ERC2: variants seen among roughly 807,000 people sequenced by gnomAD.
ERC2 encodes ELKS/RAB6-interacting/CAST family member 2, also known as ERC protein 2.
In ERC2, 42 loss-of-function variants were observed where a neutral mutation model predicts 114.8. The observed-to-expected ratio is 0.37, with a 90% CI of 0.29 to 0.47. The LOEUF is 0.47. ERC2 is among the 20% of genes least tolerant of loss of function. The pLI is 0.99. For synonymous variants in ERC2, 454 were observed against 425.5 expected (o/e 1.07, Z -0.82); for missense variants, 939 against 1,150.7 (o/e 0.82, Z 2.66).
At chr3:56,125,402 G>A (rs1230201460) in intron 6 of ERC2, among the ~76,000 whole-genome samples, 1 of 152,078 alleles carries the variant, frequency 6.6e-6, no homozygotes, top group Non-Finnish European at 1.5e-5. Context: ...ACCAATGTGG[G>A]TAAAAGAGAT....
chr3:56,064,300 C>T (rs1246715993), intron 7 of ERC2, among the ~76,000 whole-genome samples: 1 of 152,214 alleles, frequency 6.6e-6, no homozygotes, highest in Non-Finnish European at 1.5e-5. Flanking sequence ...ACCTTCCCAC[C>T]TGGCCACCCT....
At chr3:55,812,733 G>A (rs559398090) in intron 14 of ERC2, among the ~76,000 whole-genome samples, 9 of 152,340 alleles carry the variant, frequency 5.9e-5, no homozygotes, top group South Asian at 4.1e-4. Flanking sequence ...AGGGTCATGG[G>A]TGTATCTCAG....
intron 17 of ERC2, among the ~76,000 whole-genome samples, chr3:55,663,035 G>A (rs912117718): frequency 7.2e-5 from 11 of 152,304 alleles, no homozygotes; most frequent in Admixed American, 7.2e-4. Flanking sequence ...TTTGGGAAAA[G>A]TCTGGTATCT....
chr3:56,359,508 C>G (rs985364302), intron 2 of ERC2, among the ~76,000 whole-genome samples: 2 of 152,210 alleles, frequency 1.3e-5, no homozygotes, highest in African/African-American at 4.8e-5. Context: ...ATTCTTAGAA[C>G]CAGTGTACAA....
intron 3 of ERC2, among the ~76,000 whole-genome samples, chr3:56,194,066 C>CCTAATACTTGT (rs1472649624): frequency 9.9e-5 from 15 of 152,232 alleles, no homozygotes; most frequent in African/African-American, 3.6e-4. Context: ...TTCCATCATG[C>CCTAATACTTGT]CATAAGGTCC....
At chr3:55,747,087 A>C (rs576271877) in intron 14 of ERC2, among the ~76,000 whole-genome samples, 1 of 152,332 alleles carries the variant, frequency 6.6e-6, no homozygotes, top group East Asian at 1.9e-4. Context: ...AAGGTACCAG[A>C]AAGAATGCTT....
intron 2 of ERC2, among the ~76,000 whole-genome samples, chr3:56,338,236 T>C (rs1365081017): frequency 6.6e-6 from 1 of 152,222 alleles, no homozygotes; most frequent in Non-Finnish European, 1.5e-5. Flanking sequence ...TGGTTACATG[T>C]GTATTGTATT....
intron 3 of ERC2, among the ~76,000 whole-genome samples, chr3:56,225,825 G>A (rs765519507): frequency 6.6e-6 from 1 of 152,098 alleles, no homozygotes; most frequent in Non-Finnish European, 1.5e-5. Flanking sequence ...AGAAAAATAG[G>A]ATGTCATCCT....
intron 13 of ERC2, among the ~76,000 whole-genome samples, chr3:55,896,982 G>C (rs780445762): frequency 5.3e-5 from 8 of 152,190 alleles, no homozygotes; most frequent in Non-Finnish European, 8.8e-5. Flanking sequence ...ATTCATAACT[G>C]TTCACTTTCA....
intron 16 of ERC2, among the ~76,000 whole-genome samples, chr3:55,696,802 C>T (rs1354250351): frequency 1.3e-5 from 2 of 152,196 alleles, no homozygotes; most frequent in Admixed American, 6.5e-5. Flanking sequence ...GGGCATCCAG[C>T]TCAGGAGATA....
chr3:56,262,490 G>A (rs2053006701), intron 3 of ERC2, among the ~76,000 whole-genome samples: 1 of 152,196 alleles, frequency 6.6e-6, no homozygotes. Flanking sequence ...AACCTCTCCA[G>A]TATACTTTTG....
At chr3:55,771,773 C>A (rs1185518740) in intron 14 of ERC2, among the ~76,000 whole-genome samples, 1 of 152,202 alleles carries the variant, frequency 6.6e-6, no homozygotes, top group South Asian at 2.1e-4. Flanking sequence ...TTCTTCAGTA[C>A]CCACTCTGCC....
At chr3:56,119,539 C>A (rs1011081491) in intron 6 of ERC2, among the ~76,000 whole-genome samples, 1 of 152,198 alleles carries the variant, frequency 6.6e-6, no homozygotes, top group Non-Finnish European at 1.5e-5. Flanking sequence ...CTAGAACCAC[C>A]TTTTACTCTT....
At position 55,777,090 on chromosome 3, in the gene ERC2, T is replaced by C. The variant is rs184507811; in HGVS notation, c.2565-42172A>G. ...TTAAAAATACATAAAAAAAAAATAA[T>C]AACAGCAATATCTGGCATCTCAAAA... On this transcript the variant is annotated intron_variant, in intron 14 of 17. Transcript: ENST00000288221. Among the ~76,000 whole-genome samples the C allele has an allele frequency of 5.3e-5, 8 of 151,922 alleles. No individual in the cohort carries two copies. In the East Asian group the frequency reaches 1.6e-3, roughly 29 times the overall value.
At chr3:55,680,379 G>A (rs941647590) in intron 17 of ERC2, among the ~76,000 whole-genome samples, 1 of 152,184 alleles carries the variant, frequency 6.6e-6, no homozygotes. Context: ...AAGGTGCCTC[G>A]ATTTGCTCCT....
intron 17 of ERC2, among the ~76,000 whole-genome samples, chr3:55,538,314 G>T (rs965427637): frequency 2.6e-5 from 4 of 152,178 alleles, no homozygotes; most frequent in African/African-American, 9.7e-5. Context: ...CAGAGCAGAA[G>T]CCACTTACAG....
At chr3:55,517,769 C>T (rs1241584384) in intron 17 of ERC2, among the ~76,000 whole-genome samples, 1 of 152,222 alleles carries the variant, frequency 6.6e-6, no homozygotes, top group Non-Finnish European at 1.5e-5. Flanking sequence ...CCCTAGTCTA[C>T]ATTTTGGGCT....
intron 2 of ERC2, among the ~76,000 whole-genome samples, chr3:56,337,178 A>G (rs1429294133): frequency 6.6e-6 from 1 of 152,022 alleles, no homozygotes; most frequent in African/African-American, 2.4e-5. Flanking sequence ...CAGATATCCC[A>G]TTTTTCCTAT....
At chr3:56,351,317 A>G (rs1454499859) in intron 2 of ERC2, among the ~76,000 whole-genome samples, 1 of 152,188 alleles carries the variant, frequency 6.6e-6, no homozygotes, top group Non-Finnish European at 1.5e-5. Context: ...ACTAGATGAC[A>G]TAAAATAACT....
Sources: allele counts gnomAD v4.1 joint callset (sites outside exome capture counted in the v4.1 genomes callset), GRCh38; gene constraint gnomAD v4.1.1; transcripts MANE v1.5; gene names NCBI Gene and HGNC (gene_info 2026-07-23, HGNC 2026-07-21).